SUCLG2: variants seen among roughly 807,000 people sequenced by gnomAD.
The protein encoded by SUCLG2 is succinate--CoA ligase [GDP-forming] subunit beta, mitochondrial.
SUCLG2 carries 42 observed loss-of-function variants against 47.9 expected under a neutral mutation model. The observed-to-expected ratio is 0.88, with a 90% CI of 0.69 to 1.14. The LOEUF (loss-of-function observed/expected upper bound fraction) is 1.14, where lower values mean the gene tolerates loss of function less well. SUCLG2 is among the 50% of genes most tolerant of loss of function. The pLI, the probability that SUCLG2 is intolerant of heterozygous loss-of-function variation, is 0.00. For synonymous variants in SUCLG2, 195 were observed against 197.3 expected (o/e 0.99, Z 0.10); for missense variants, 571 against 525.9 (o/e 1.09, Z -0.84).
intron 8 of SUCLG2, 130 bp downstream of exon 8, chr3:67,498,004 T>C (rs1388434780): frequency 2.1e-6 from 2 of 957,562 alleles, no homozygotes; most frequent in African/African-American, 1.6e-5. Flanking sequence ...TTGGATACTT[T>C]CCTAAGACTT....
intron 1 of SUCLG2, among the ~76,000 whole-genome samples, chr3:67,626,330 G>C (rs1700828828): frequency 6.6e-6 from 1 of 151,324 alleles, no homozygotes; most frequent in African/African-American, 2.4e-5. Flanking sequence ...GGCACCCATG[G>C]AGCAGAGCGG....
chr3:67,611,169 A>T (rs1288119454), intron 1 of SUCLG2, among the ~76,000 whole-genome samples: 1 of 152,242 alleles, frequency 6.6e-6, no homozygotes, highest in Non-Finnish European at 1.5e-5. Context: ...GCTGGTAAAA[A>T]ATTCAAATTT....
At chr3:67,504,626 G>A (rs553332744) in intron 7 of SUCLG2, among the ~76,000 whole-genome samples, 27 of 152,252 alleles carry the variant, frequency 1.8e-4, no homozygotes, top group African/African-American at 6.5e-4. Flanking sequence ...CATCCTGTGC[G>A]TTGTAGTTTA....
intron 9 of SUCLG2, 100 bp from the exon 10 acceptor site, chr3:67,400,951 G>GTT: frequency 1.3e-6 from 2 of 1,514,580 alleles, no homozygotes; most frequent in Non-Finnish European, 1.8e-6. Context: ...AAGACTGCTC[G>GTT]TTTTTTTGTT....
rs146437320 is a variant in SUCLG2 at position 67,534,813 on chromosome 3, A to C, written c.227-5627T>G. 3.9e-3 allele frequency among the ~76,000 whole-genome samples: 584 copies of C among 149,000 alleles called. 7 individuals are homozygous for C. In the East Asian group the frequency reaches 0.048, roughly 12 times the overall value. Reference sequence around the variant, plus strand: ...AAAAAAAAAAAAATGCCCATGTGACATCATTCAACACCTGTAACTAATTAA... The same window carrying C: ...AAAAAAAAAAAAATGCCCATGTGACCTCATTCAACACCTGTAACTAATTAA... On this transcript the variant is annotated intron_variant, in intron 2 of 10. Transcript: ENST00000307227.
At chr3:67,563,639 T>C (rs1450999821) in intron 2 of SUCLG2, among the ~76,000 whole-genome samples, 2 of 152,136 alleles carry the variant, frequency 1.3e-5, no homozygotes, top group African/African-American at 4.8e-5. Flanking sequence ...AGCCTGCAAC[T>C]GAACTTTAGC....
intron 9 of SUCLG2, among the ~76,000 whole-genome samples, chr3:67,437,129 TA>T (rs201371174): frequency 6.6e-6 from 1 of 151,834 alleles, no homozygotes; most frequent in Non-Finnish European, 1.5e-5. Context: ...CAGGTGTGGT[TA>T]AAAAAAATAC....
chr3:67,394,459 G>A lies in SUCLG2; in HGVS notation c.1183+6272C>T, dbSNP rs541678454. 8.2e-3 allele frequency among the ~76,000 whole-genome samples: 1,221 copies of A among 148,312 alleles called. 17 individuals carry two copies. Among genetic ancestry groups the A allele is most frequent in the Admixed American group, 0.013 (187 of 14,768 alleles). The stretch of plus-strand genomic sequence containing the variant: ...GAAATGAATGAAATGAAGCGAGAAG[G>A]GAAGTTTAGAGAAAAAAGAATAAAA... On this transcript the variant is annotated intron_variant, in intron 10 of 10. Transcript: ENST00000307227.
intron 9 of SUCLG2, among the ~76,000 whole-genome samples, chr3:67,412,294 C>G (rs1439392124): frequency 6.6e-6 from 1 of 152,198 alleles, no homozygotes; most frequent in African/African-American, 2.4e-5. Flanking sequence ...CACACCTTCT[C>G]TCATCCATGG....
intron 9 of SUCLG2, among the ~76,000 whole-genome samples, chr3:67,469,440 T>C (rs913475080): frequency 2.0e-5 from 3 of 151,970 alleles, no homozygotes; most frequent in African/African-American, 7.3e-5. Flanking sequence ...TTTAAAATAA[T>C]TTTTTTTGGC....
intron 7 of SUCLG2, among the ~76,000 whole-genome samples, chr3:67,507,245 G>A (rs1705661184): frequency 6.6e-6 from 1 of 152,100 alleles, no homozygotes; most frequent in South Asian, 2.1e-4. Flanking sequence ...GTTTATAAAT[G>A]AGCAAGCACA....
chr3:67,611,129 T>C (rs9818900), intron 1 of SUCLG2, among the ~76,000 whole-genome samples: 74,117 of 152,052 alleles, frequency 0.49, 18,984 homozygotes, highest in African/African-American at 0.64. Context: ...GTCCTTAAGA[T>C]GTGAAATAAA....
intron 1 of SUCLG2, among the ~76,000 whole-genome samples, chr3:67,619,448 ATC>A (rs1256158716): frequency 6.6e-6 from 1 of 152,176 alleles, no homozygotes; most frequent in Non-Finnish European, 1.5e-5. Flanking sequence ...CTGGTGTATT[ATC>A]TCCCAGTGCA....
intron 9 of SUCLG2, among the ~76,000 whole-genome samples, chr3:67,427,131 T>A (rs533785179): frequency 8.5e-5 from 13 of 152,336 alleles, no homozygotes; most frequent in African/African-American, 3.1e-4. Flanking sequence ...TTAGTAATGG[T>A]TCCAGTCACC....
rs193074630 is a variant in SUCLG2, at chr3:67,593,852, C to G, written c.226+15603G>C. 1.8e-4 allele frequency among the ~76,000 whole-genome samples: 28 copies of G among 152,322 alleles called. 1 individual carries two copies. The East Asian group carries it at 3.5e-3, about 19-fold the overall frequency. The stretch of plus-strand genomic sequence containing the variant: ...GAAATCACTAGCCCCAATTCCTCAT[C>G]TCTCCCTGGATCCATGCCATTTTCC... On this transcript the variant is annotated intron_variant, in intron 2 of 10. Coordinates refer to ENST00000307227, the MANE Select transcript of SUCLG2 (RefSeq NM_003848.4).
intron 1 of SUCLG2, among the ~76,000 whole-genome samples, chr3:67,616,610 A>G (rs1433889342): frequency 2.6e-5 from 4 of 152,232 alleles, no homozygotes; most frequent in African/African-American, 4.8e-5. Context: ...ATAAATATCA[A>G]TCTACTTAAA....
chr3:67,520,516 T>A lies in SUCLG2; in HGVS notation c.536A>T (p.Glu179Val). The change falls in exon 5 of 11, where the codon GAG (glutamate) becomes GTG (valine). Residue 179 changes from glutamate (E) to valine (V), a missense_variant. Physicochemically the swap from Glu to Val is moderately radical, Grantham distance 121. Transcript: ENST00000307227. The stretch of plus-strand genomic sequence containing the variant: ...GAGCTCCGGGTTTGAAGCAGCCACC[T>A]CTTCAATGTCGACGCCCCCCTGGGG... ...GSPQGGVDIE[E>V]VAASNPELIF... 1 of 1,614,146 alleles carries A rather than the reference T, an allele frequency of 6.2e-7. No individual in the cohort carries two copies. Among genetic ancestry groups the A allele is most frequent in the Non-Finnish European group, 8.5e-7 (1 of 1,179,996 alleles).
chr3:67,487,027 A>G (rs756241536), intron 9 of SUCLG2, among the ~76,000 whole-genome samples: 10 of 152,194 alleles, frequency 6.6e-5, no homozygotes, highest in Admixed American at 2.0e-4. Context: ...TACCAAGAAT[A>G]CTAAGAGAAA....
At chr3:67,637,057 G>A (rs751754441) in intron 1 of SUCLG2, among the ~76,000 whole-genome samples, 1 of 152,110 alleles carries the variant, frequency 6.6e-6, no homozygotes, top group Non-Finnish European at 1.5e-5. Context: ...AAGAGAGAGG[G>A]GCAGCTCAGT....
Sources: gnomAD v4.1 joint callset for allele counts (sites outside exome capture counted in the v4.1 genomes callset) on GRCh38, gnomAD v4.1.1 for gene constraint, MANE v1.5 for transcripts, NCBI Gene and HGNC (gene_info 2026-07-23, HGNC 2026-07-21) for gene names.